The following AK5 variants were observed in gnomAD, a reference collection of about 807,000 sequenced individuals.
AK5 encodes adenylate kinase 5, also known as adenylate kinase isoenzyme 5.
Under a neutral mutation model 69.5 loss-of-function variants are expected in AK5, and 27 were observed. The ratio of observed to expected loss-of-function variants is 0.39; its 90% CI spans 0.29 to 0.54. AK5 has a LOEUF of 0.54. Ranked by LOEUF, AK5 falls within the 20% of genes least tolerant of loss-of-function variation. The pLI is 0.71. For synonymous variants in AK5, 260 were observed against 244.4 expected (o/e 1.06, Z -0.60); for missense variants, 531 against 700.4 (o/e 0.76, Z 2.73).
intron 8 of AK5, among the ~76,000 whole-genome samples, chr1:77,438,899 T>C (rs1316139505): frequency 6.6e-6 from 1 of 152,088 alleles, no homozygotes; most frequent in African/African-American, 2.4e-5. Context: ...GAATGCAAGG[T>C]CCATTATTAA....
intron 10 of AK5, among the ~76,000 whole-genome samples, chr1:77,488,897 A>T (rs1358720147): frequency 4.7e-5 from 1 of 21,238 alleles, no homozygotes; most frequent in African/African-American, 8.1e-5. Flanking sequence ...CTTCAATCCA[A>T]TCAAGTCCAC....
chr1:77,532,101 C>T (rs1411717862), intron 12 of AK5: 1 of 153,770 alleles, frequency 6.5e-6, no homozygotes, highest in African/African-American at 2.4e-5. Context: ...CCGCCTGCGC[C>T]TCTCCCTCCA....
rs901356020 is a variant in AK5, at chr1:77,361,840, G to A, written c.891+21272G>A. Among the ~76,000 whole-genome samples the A allele has an allele frequency of 2.6e-5, 4 of 152,174 alleles. No homozygotes were observed. In the Middle Eastern group the frequency reaches 0.01, roughly 388 times the overall value. On this transcript the variant is annotated intron_variant, in intron 6 of 13. Coordinates refer to ENST00000354567, the MANE Select transcript of AK5 (RefSeq NM_174858.3). The stretch of plus-strand genomic sequence containing the variant: ...GCGCAGGAAAGACATCCTCACCCCC[G>A]CCGTAATTCAGTCACCTCCTACCGG...
intron 6 of AK5, among the ~76,000 whole-genome samples, chr1:77,368,241 A>ATATATATATATATGT (rs71075737): frequency 0.031 from 718 of 23,232 alleles, 41 homozygotes; most frequent in Non-Finnish European, 0.054. Flanking sequence ...ATATATATAT[A>ATATATATATATATGT]TATATATATA....
At chr1:77,433,854 A>AATTT (rs1303268840) in intron 8 of AK5, among the ~76,000 whole-genome samples, 3 of 151,744 alleles carry the variant, frequency 2.0e-5, no homozygotes, top group African/African-American at 7.2e-5. Flanking sequence ...TAGTTTCATA[A>AATTT]ATTTATTAGT....
intron 8 of AK5, among the ~76,000 whole-genome samples, chr1:77,462,135 C>G (rs12733666): frequency 0.13 from 19,336 of 152,230 alleles, 1,649 homozygotes; most frequent in Admixed American, 0.2. Context: ...TTATCCTACT[C>G]GAAATTCATA....
At position 77,368,262 on chromosome 1, in the gene AK5, G is replaced by A. The variant is rs76699024; in HGVS notation, c.891+27694G>A. Among the ~76,000 whole-genome samples the A allele has an allele frequency of 1.4e-3, 85 of 59,298 alleles. 1 individual carries two copies. The highest frequency in any genetic ancestry group is 3.6e-3 in the Admixed American group (13 of 3,606). The allele number at this position is 59,298 out of a possible 152,430, so 38.9% of individuals were successfully genotyped here. A position where few individuals can be genotyped will look rare whatever the true frequency, so the allele number is the denominator to read the frequency against. On this transcript the variant is annotated intron_variant, in intron 6 of 13. Transcript: ENST00000354567. Reference sequence around the variant, plus strand: ...ATATATATATATATATAATATATATGTTATATATATGTTATATATGTTATA... The same window carrying A: ...ATATATATATATATATAATATATATATTATATATATGTTATATATGTTATA...
chr1:77,316,158 A>C (rs1660231507), intron 5 of AK5, among the ~76,000 whole-genome samples: 1 of 152,130 alleles, frequency 6.6e-6, no homozygotes, highest in African/African-American at 2.4e-5. Flanking sequence ...ACTCTTACTC[A>C]GTTGCATTCC....
At chr1:77,433,565 C>T (rs988684176) in intron 8 of AK5, among the ~76,000 whole-genome samples, 2 of 149,806 alleles carry the variant, frequency 1.3e-5, no homozygotes, top group Admixed American at 1.3e-4. Context: ...AGATTCTTAT[C>T]AAACTTAAGT....
chr1:77,297,425 A>T, intron 3 of AK5, 134 bp from the exon 4 acceptor site: 1 of 710,768 alleles, frequency 1.4e-6, no homozygotes, highest in South Asian at 2.6e-5. Context: ...CAGCACTGAG[A>T]ATGCCACAAA....
At chr1:77,470,300 T>A (rs1370313818) in intron 8 of AK5, among the ~76,000 whole-genome samples, 2 of 151,466 alleles carry the variant, frequency 1.3e-5, no homozygotes, top group Admixed American at 6.6e-5. Context: ...AGCTCAGGAG[T>A]TCAAGACCAT....
intron 8 of AK5, among the ~76,000 whole-genome samples, chr1:77,467,150 A>G (rs577135931): frequency 6.6e-6 from 1 of 152,290 alleles, no homozygotes; most frequent in East Asian, 1.9e-4. Flanking sequence ...TCATTCCTGG[A>G]TAGGGAAAAA....
chr1:77,416,047 A>T lies in AK5; in HGVS notation c.983-1592A>T, dbSNP rs1369011036. Among the ~76,000 whole-genome samples the T allele has an allele frequency of 2.7e-5, 4 of 150,612 alleles. No homozygotes were observed. The East Asian group carries it at 5.9e-4, about 22-fold the overall frequency. ...TATAATGGGAAAAATACATATATAGATTTTTTTTTTATTTCTGATACTTAC... is the reference window on the plus strand; with the variant it reads ...TATAATGGGAAAAATACATATATAGTTTTTTTTTTTATTTCTGATACTTAC... On this transcript the variant is annotated intron_variant, in intron 7 of 13. Coordinates refer to ENST00000354567, the MANE Select transcript of AK5 (RefSeq NM_174858.3).
chr1:77,486,204 TA>T (rs1655575245), intron 9 of AK5, 103 bp from the exon 10 acceptor site: 12 of 721,826 alleles, frequency 1.7e-5, no homozygotes, highest in South Asian at 3.2e-5. Flanking sequence ...TCAAGCTTTT[TA>T]TCAAATAAAA....
At chr1:77,311,775 C>T (rs1228623708) in intron 5 of AK5, among the ~76,000 whole-genome samples, 1 of 152,062 alleles carries the variant, frequency 6.6e-6, no homozygotes, top group African/African-American at 2.4e-5. Flanking sequence ...TGATGAAACC[C>T]TTAGAGGCCA....
chr1:77,500,009 T>TC (rs1557638309), intron 10 of AK5, among the ~76,000 whole-genome samples: 1 of 149,828 alleles, frequency 6.7e-6, no homozygotes, highest in Non-Finnish European at 1.5e-5. Flanking sequence ...TTAAGTTACT[T>TC]CCCCCCAAGT....
chr1:77,420,868 T>C (rs1384630066), intron 8 of AK5, among the ~76,000 whole-genome samples: 1 of 152,208 alleles, frequency 6.6e-6, no homozygotes, highest in Non-Finnish European at 1.5e-5. Flanking sequence ...TGTAAATATT[T>C]TAGGCTTTGT....
intron 10 of AK5, among the ~76,000 whole-genome samples, chr1:77,515,676 G>C (rs1490672518): frequency 6.6e-6 from 1 of 152,208 alleles, no homozygotes; most frequent in African/African-American, 2.4e-5. Flanking sequence ...AGAGCTGAGG[G>C]TGAGAGGTCT....
At chr1:77,482,770 C>CAAA (rs11350511) in intron 8 of AK5, among the ~76,000 whole-genome samples, 1,384 of 133,508 alleles carry the variant, frequency 0.01, 26 homozygotes, top group East Asian at 0.077. Flanking sequence ...GACTATGTCT[C>CAAA]AAAAAAAAAA....
Sources: allele counts gnomAD v4.1 joint callset (sites outside exome capture counted in the v4.1 genomes callset), GRCh38; gene constraint gnomAD v4.1.1; transcripts MANE v1.5; gene names NCBI Gene and HGNC (gene_info 2026-07-23, HGNC 2026-07-21).